The following WDR43 variants were observed in gnomAD, a reference collection of about 807,000 sequenced individuals.
WDR43 encodes the protein WD repeat-containing protein 43.
WDR43 carries 13 observed loss-of-function variants against 91.4 expected under a neutral mutation model. The ratio of observed to expected loss-of-function variants is 0.14; its 90% CI spans 0.09 to 0.23. The LOEUF (loss-of-function observed/expected upper bound fraction) is 0.23. Ranked by LOEUF, WDR43 falls within the 10% of genes least tolerant of loss-of-function variation. The probability of loss-of-function intolerance (pLI) is 1.00; values close to 1 mark genes in which losing one functional copy is unlikely to be tolerated. For synonymous variants in WDR43, 331 were observed against 287.9 expected, an observed-to-expected ratio of 1.15 and a Z score of -1.51; for missense variants, 780 against 809.4, an observed-to-expected ratio of 0.96 and a Z score of 0.44.
chr2:28,926,859 A>T (rs1671151978), intron 9 of WDR43, among the ~76,000 whole-genome samples: 1 of 152,198 alleles, frequency 6.6e-6, no homozygotes, highest in Admixed American at 6.5e-5. Context: ...TTATCAGTAG[A>T]TAGTTTTTAT....
intron 3 of WDR43, among the ~76,000 whole-genome samples, chr2:28,911,885 A>G (rs1238498354): frequency 2.6e-5 from 4 of 151,958 alleles, no homozygotes; most frequent in African/African-American, 9.7e-5. Flanking sequence ...CAATCTCCCA[A>G]AGTGCTGGGA....
At chr2:28,912,290 A>G (rs767384112) in intron 3 of WDR43, among the ~76,000 whole-genome samples, 13 of 152,268 alleles carry the variant, frequency 8.5e-5, no homozygotes, top group Non-Finnish European at 1.8e-4. Context: ...AGGATGTACA[A>G]CTACCCATTT....
chr2:28,931,316 G>A (rs1262598466), intron 11 of WDR43, among the ~76,000 whole-genome samples: 1 of 152,100 alleles, frequency 6.6e-6, no homozygotes, highest in Non-Finnish European at 1.5e-5. Context: ...TCCTGAGCTC[G>A]TGATCCACCC....
intron 10 of WDR43, 130 bp downstream of exon 10, chr2:28,927,830 CT>C: frequency 8.4e-7 from 1 of 1,194,218 alleles, no homozygotes; most frequent in Non-Finnish European, 1.2e-6. Flanking sequence ...GTTATGCTCT[CT>C]TTTATCTTCA....
At chr2:28,930,115 TGA>T (rs1671213145) in intron 11 of WDR43, 1 of 470,458 alleles carries the variant, frequency 2.1e-6, no homozygotes, top group African/African-American at 2.0e-5. Flanking sequence ...CCCCTGGCCG[TGA>T]GAGGGGGCAG....
rs770533003 is a variant in WDR43, at chr2:28,912,610, G to A, written c.506G>A (p.Ser169Asn). The change falls in exon 4 of 18, where the codon AGC becomes AAC. Residue 169 changes from serine to asparagine, a missense_variant. This residue lies in a region of WDR43 where 174 missense variants were observed against 207.3 expected (regional missense o/e 0.84). Coordinates refer to ENST00000407426, the MANE Select transcript of WDR43 (RefSeq NM_015131.3). ...KVKCKWKGDN[S>N]SVSSLCISPD... is the part of the protein sequence containing the mutation. ...TATAGCAAATGGAAAGGCGACAATA[G>A]CAGTGTCAGTTCCCTATGTATCAGC... 20 of 1,613,688 alleles carry A rather than the reference G, an allele frequency of 1.2e-5. No homozygotes were observed. The highest frequency in any genetic ancestry group is 1.7e-5 in the Admixed American group (1 of 59,990).
At chr2:28,906,364 G>C (rs1356438284) in intron 2 of WDR43, 96 bp from the exon 3 acceptor site, 1 of 1,276,754 alleles carries the variant, frequency 7.8e-7, no homozygotes. Flanking sequence ...GCTCATGCCT[G>C]TAATCCCAGC....
intron 13 of WDR43, 84 bp from the exon 14 acceptor site, chr2:28,937,847 C>G: frequency 7.6e-7 from 1 of 1,308,504 alleles, no homozygotes; most frequent in Non-Finnish European, 1.1e-6. Flanking sequence ...TAGACCTTCA[C>G]TTGTCTGTCT....
At chr2:28,913,654 G>A (rs763965987) in intron 4 of WDR43, 7 of 520,366 alleles carry the variant, frequency 1.3e-5, no homozygotes, top group African/African-American at 3.8e-5. Context: ...CAGGGCTTAC[G>A]GAATATTTGG....
chr2:28,923,033 T>G, intron 7 of WDR43, 50 bp downstream of exon 7: 1 of 1,508,982 alleles, frequency 6.6e-7, no homozygotes, highest in East Asian at 2.3e-5. Flanking sequence ...CCCTGACTTG[T>G]TACTTGGTCA....
intron 11 of WDR43, among the ~76,000 whole-genome samples, chr2:28,931,952 T>C (rs1195457203): frequency 4.1e-5 from 6 of 145,802 alleles, no homozygotes; most frequent in Non-Finnish European, 9.0e-5. Flanking sequence ...CAATTGTAGC[T>C]CACTGCATGA....
chr2:28,926,919 T>G, intron 9 of WDR43: 1 of 363,336 alleles, frequency 2.8e-6, no homozygotes, highest in Non-Finnish European at 5.5e-6. Flanking sequence ...AATGCTGTAT[T>G]TCAGGGTGTA....
chr2:28,929,865 A>G (rs1310425051), intron 11 of WDR43, among the ~76,000 whole-genome samples, 155 bp downstream of exon 11: 2 of 152,130 alleles, frequency 1.3e-5, no homozygotes, highest in Non-Finnish European at 2.9e-5. Context: ...ACTTGGTGGC[A>G]TTATACAGAC....
At chr2:28,944,168 A>G (rs529508319) in intron 16 of WDR43, among the ~76,000 whole-genome samples, 1 of 152,318 alleles carries the variant, frequency 6.6e-6, no homozygotes, top group African/African-American at 2.4e-5. Context: ...GGAGAAGCAG[A>G]TATGAGAAGT....
chr2:28,930,329 A>G (rs982194985), intron 11 of WDR43, among the ~76,000 whole-genome samples: 2 of 152,330 alleles, frequency 1.3e-5, no homozygotes, highest in East Asian at 1.9e-4. Flanking sequence ...ACAGCATTCT[A>G]TCTAGAATAT....
intron 13 of WDR43, 93 bp downstream of exon 13, chr2:28,937,046 C>T: frequency 1.6e-6 from 2 of 1,274,466 alleles, no homozygotes; most frequent in East Asian, 2.6e-5. Flanking sequence ...AAAACTCTTT[C>T]AGTGTCAAAT....
At chr2:28,946,078 A>G (rs939618347) in intron 16 of WDR43, among the ~76,000 whole-genome samples, 1 of 152,148 alleles carries the variant, frequency 6.6e-6, no homozygotes, top group African/African-American at 2.4e-5. Flanking sequence ...GCTCATGCCT[A>G]TAATCCCAGC....
At position 28,913,615 on chromosome 2, in the gene WDR43, T is replaced by G; in HGVS notation, c.607-454T>G. 4 of 517,650 alleles carry G rather than the reference T, an allele frequency of 7.7e-6. 1 individual carries two copies. The highest frequency in any genetic ancestry group is 2.8e-5 in the South Asian group (2 of 71,298). The allele number at this position is 517,650 out of a possible 1,614,324, so 32.1% of individuals were successfully genotyped here. ...ATTTGACTGTGGAGATTTAGTATTA[T>G]ATTTTTGGAGGAGGAAAAAGCTTTC... On this transcript the variant is annotated intron_variant, in intron 4 of 17. Transcript: ENST00000407426.
chr2:28,923,084 GC>G, intron 7 of WDR43, 101 bp downstream of exon 7: 1 of 991,810 alleles, frequency 1.0e-6, no homozygotes, highest in Non-Finnish European at 1.5e-6. Flanking sequence ...TTACTATTCA[GC>G]CAGATTATTT....
Sources: gnomAD v4.1 joint callset for allele counts (sites outside exome capture counted in the v4.1 genomes callset) on GRCh38, gnomAD v4.1.1 for gene constraint, gnomAD v4.1.1 regional missense constraint, MANE v1.5 for transcripts, NCBI Gene and HGNC (gene_info 2026-07-23, HGNC 2026-07-21) for gene names.